Variants in MMP26 observed in about 807,000 individuals in gnomAD.
MMP26 encodes matrix metallopeptidase 26, also known as matrix metalloproteinase-26.
MMP26 carries 33 observed loss-of-function variants against 31.0 expected under a neutral mutation model. The observed-to-expected ratio is 1.06, with a 90% CI of 0.81 to 1.42. MMP26 has a LOEUF of 1.42. Ranked by LOEUF, MMP26 falls within the 40% of genes most tolerant of loss-of-function variation. The pLI, the probability that MMP26 is intolerant of heterozygous loss-of-function variation, is 0.00. For synonymous variants in MMP26, 122 were observed against 114.9 expected, an observed-to-expected ratio of 1.06 and a Z score of -0.40; for missense variants, 347 against 316.1, an observed-to-expected ratio of 1.10 and a Z score of -0.74.
chr11:4,807,420 T>G (rs924431573), intron 2 of MMP26, among the ~76,000 whole-genome samples: 5 of 152,164 alleles, frequency 3.3e-5, no homozygotes, highest in African/African-American at 1.2e-4. Context: ...ATATACCCCA[T>G]GGAATACTAT....
intron 6 of MMP26, 128 bp from the exon 7 acceptor site, chr11:4,991,836 C>G: frequency 1.1e-6 from 1 of 876,364 alleles, no homozygotes; most frequent in Non-Finnish European, 1.7e-6. Context: ...CCTACCTTTT[C>G]CTTTACCCTG....
In MMP26 at chr11:4,767,529, T is replaced by C. The variant is rs990612068; in HGVS notation, c.-145+188T>C. On this transcript the variant is annotated intron_variant, in intron 2 of 7. Coordinates refer to ENST00000380390, the MANE Select transcript of MMP26 (RefSeq NM_021801.5). ...AAACATAAAATATACCTACAGTCAC[T>C]GTGTGCTGATAAACTGAATATTTAA... is the stretch of plus-strand genomic sequence containing the variant. 5.9e-5 allele frequency among the ~76,000 whole-genome samples: 9 copies of C among 152,278 alleles called. No homozygotes were observed. The South Asian group carries it at 6.2e-4, about 11-fold the overall frequency.
chr11:4,865,150 T>C (rs149594301), intron 2 of MMP26, among the ~76,000 whole-genome samples: 55 of 152,242 alleles, frequency 3.6e-4, no homozygotes, highest in African/African-American at 1.3e-3. Flanking sequence ...ACTATTCTCA[T>C]TTTAAATTTC....
At chr11:4,837,784 G>A (rs1326193077) in intron 2 of MMP26, among the ~76,000 whole-genome samples, 4 of 152,010 alleles carry the variant, frequency 2.6e-5, no homozygotes, top group Non-Finnish European at 5.9e-5. Context: ...GCAGGAACAA[G>A]GAAAGAACAA....
chr11:4,755,845 A>G (rs137976539), intron 1 of MMP26, among the ~76,000 whole-genome samples: 186 of 152,190 alleles, frequency 1.2e-3, no homozygotes, highest in Admixed American at 0.011. Flanking sequence ...GTTTTGCACT[A>G]GAGAGTATAT....
intron 1 of MMP26, among the ~76,000 whole-genome samples, chr11:4,750,570 C>A (rs1373896437): frequency 2.0e-5 from 3 of 151,824 alleles, no homozygotes; most frequent in African/African-American, 7.3e-5. Flanking sequence ...GAGTGTATAC[C>A]ATGGAATCAT....
At chr11:4,728,024 T>G (rs1189435437) in intron 1 of MMP26, among the ~76,000 whole-genome samples, 4 of 152,206 alleles carry the variant, frequency 2.6e-5, no homozygotes, top group Non-Finnish European at 5.9e-5. Context: ...TCCTGAGAAG[T>G]AAAATTTTAA....
In MMP26 at chr11:4,907,095, T is replaced by TAAAAAAAAAAAAAAGAA. The variant is rs563044519; in HGVS notation, c.-144-80959_-144-80958insGAAAAAAAAAAAAAAAA. Among the ~76,000 whole-genome samples the TAAAAAAAAAAAAAAGAA allele has an allele frequency of 2.2e-4, 12 of 55,126 alleles. No individual in the cohort carries two copies. The East Asian group carries it at 5.5e-3, about 25-fold the overall frequency. The allele number at this position is 55,126 out of a possible 152,430, so 36.2% of individuals were successfully genotyped here. On this transcript the variant is annotated intron_variant, in intron 2 of 7. Coordinates refer to ENST00000380390, the MANE Select transcript of MMP26 (RefSeq NM_021801.5). ...TGGGCAACAAGAGCAAAACTCCCTC[T>TAAAAAAAAAAAAAAGAA]AAAAAAAAAAAAAAAAAAAATCCTA...
At chr11:4,841,331 C>G (rs772337087) in intron 2 of MMP26, among the ~76,000 whole-genome samples, 3 of 151,910 alleles carry the variant, frequency 2.0e-5, no homozygotes, top group Non-Finnish European at 4.4e-5. Flanking sequence ...TAGAGAATAC[C>G]GAATCAATTT....
chr11:4,804,489 A>G, intron 2 of MMP26: 1 of 848,040 alleles, frequency 1.2e-6, no homozygotes, highest in Non-Finnish European at 2.1e-6. Context: ...GGACTATTGG[A>G]TACCAGGGTG....
intron 2 of MMP26, among the ~76,000 whole-genome samples, chr11:4,862,860 T>G (rs1366028655): frequency 6.6e-6 from 1 of 152,120 alleles, no homozygotes; most frequent in Non-Finnish European, 1.5e-5. Context: ...TTTGGGCCCC[T>G]CCCTCCCAGA....
intron 2 of MMP26, among the ~76,000 whole-genome samples, chr11:4,932,513 C>G (rs373896713): frequency 2.0e-5 from 3 of 152,112 alleles, no homozygotes; most frequent in South Asian, 4.1e-4. Context: ...CATATGTAGG[C>G]GCTTAGCTAA....
intron 2 of MMP26, chr11:4,907,226 A>G (rs12421906): frequency 0.093 from 54,556 of 588,626 alleles, 3,098 homozygotes; most frequent in Non-Finnish European, 0.12. Flanking sequence ...TGAAGAGTGC[A>G]GTTGATTAGC....
intron 2 of MMP26, chr11:4,821,500 T>A: frequency 6.2e-7 from 1 of 1,612,480 alleles, no homozygotes; most frequent in Non-Finnish European, 8.5e-7. Context: ...AGCCACCCAG[T>A]ACTGGATCTC....
intron 2 of MMP26, chr11:4,914,664 G>A: frequency 8.4e-7 from 1 of 1,196,688 alleles, no homozygotes; most frequent in Non-Finnish European, 1.2e-6. Context: ...AAATTATAAA[G>A]GATAGGCAAA....
At chr11:4,781,047 T>A (rs1451342849) in intron 2 of MMP26, among the ~76,000 whole-genome samples, 1 of 152,202 alleles carries the variant, frequency 6.6e-6, no homozygotes, top group East Asian at 1.9e-4. Context: ...ACTATATGTT[T>A]CCATTTATAT....
intron 1 of MMP26, among the ~76,000 whole-genome samples, chr11:4,744,116 C>T (rs374301470): frequency 6.6e-6 from 1 of 151,984 alleles, no homozygotes; most frequent in East Asian, 1.9e-4. Context: ...TTCTTACTCC[C>T]CATGTCTATT....
At chr11:4,858,806 A>T (rs1047199288) in intron 2 of MMP26, among the ~76,000 whole-genome samples, 2 of 152,158 alleles carry the variant, frequency 1.3e-5, no homozygotes, top group Admixed American at 1.3e-4. Flanking sequence ...GCATCATGCT[A>T]CCTGACTTCA....
intron 1 of MMP26, among the ~76,000 whole-genome samples, chr11:4,743,519 C>T (rs1848341070): frequency 6.6e-6 from 1 of 152,102 alleles, no homozygotes; most frequent in African/African-American, 2.4e-5. Flanking sequence ...TCCATCTTTT[C>T]CTTATCAGCC....
Sources: gnomAD v4.1 joint callset for allele counts (sites outside exome capture counted in the v4.1 genomes callset) on GRCh38, gnomAD v4.1.1 for gene constraint, MANE v1.5 for transcripts, NCBI Gene and HGNC (gene_info 2026-07-23, HGNC 2026-07-21) for gene names.